Variants in CDC7 observed in about 807,000 individuals in gnomAD.
CDC7 encodes the protein cell division cycle 7-related protein kinase.
CDC7 carries 34 observed loss-of-function variants against 53.5 expected under a neutral mutation model. That is an observed-to-expected ratio of 0.64 (90% CI 0.48 to 0.85). The LOEUF is 0.85. Among genes scored for constraint, CDC7 ranks in the 40% least tolerant of loss-of-function variants. CDC7 has a pLI of 0.00. For synonymous variants in CDC7, 211 were observed against 222.8 expected, an observed-to-expected ratio of 0.95 and a Z score of 0.47; for missense variants, 594 against 679.7, an observed-to-expected ratio of 0.87 and a Z score of 1.40.
intron 9 of CDC7, 172 bp from the exon 10 acceptor site, chr1:91,515,619 CAGA>C (rs568018970): frequency 2.7e-4 from 92 of 338,442 alleles, no homozygotes; most frequent in African/African-American, 1.8e-3. Flanking sequence ...GGGTAAAAAA[CAGA>C]AGAAGAAAAA....
Position 91,520,256 on chromosome 1 carries a change from C to G in CDC7, c.1307C>G (p.Thr436Ser), listed in dbSNP as rs141555013. Residue 436 changes from threonine to serine, a missense_variant, in exon 11 of 12, where the codon ACT (threonine) becomes AGT (serine). Transcript: ENST00000234626. ...QIMTIRGSRE[T>S]IQAAKTFGKS... ...ATGACAATTAGGGGATCCAGAGAAA[C>G]TATCCAAGCTGCTAAAACTTTTGGT... 1.9e-6 allele frequency: 3 copies of G among 1,600,880 alleles called. No homozygotes were observed. The highest frequency in any genetic ancestry group is 2.6e-6 in the Non-Finnish European group (3 of 1,175,030).
intron 9 of CDC7, 43 bp from the exon 10 acceptor site, chr1:91,515,751 G>A: frequency 6.2e-7 from 1 of 1,608,068 alleles, no homozygotes; most frequent in Non-Finnish European, 8.5e-7. Flanking sequence ...GACTTACATA[G>A]TTCAACTTTA....
chr1:91,524,231 A>T lies in CDC7; in HGVS notation c.1521A>T (p.Gln507His). The T allele has an allele frequency of 6.2e-7, 1 of 1,613,976 alleles. No homozygotes were observed. The highest frequency in any genetic ancestry group is 8.5e-7 in the Non-Finnish European group (1 of 1,179,890). The change falls in exon 12 of 12, where the codon CAA becomes CAT. Residue 507 changes from glutamine to histidine, a missense_variant. Gln to His is a conservative substitution (Grantham distance 24). Coordinates refer to ENST00000234626, the MANE Select transcript of CDC7 (RefSeq NM_003503.4). ...GCCTCGTTCAAACACCTCCAGGACA[A>T]TACTCAGGGAATTCATTTAAAAAGG... ...ASCLVQTPPG[Q>H]YSGNSFKKGD...
Position 91,515,803 on chromosome 1 carries a change from G to C in CDC7, c.1107G>C (p.Gln369His), listed in dbSNP as rs1423219906. Residue 369 changes from glutamine to histidine, a missense_variant, in exon 10 of 12, where the codon CAG (glutamine) becomes CAC (histidine). By Grantham distance (24) the Gln-to-His change is conservative. Coordinates refer to ENST00000234626, the MANE Select transcript of CDC7 (RefSeq NM_003503.4). Reference sequence around the variant, plus strand: ...CTTATTTCATCATAAGGCGTCAGCAGGTTGCCCCTAGGGCAGGTACACCAG... The same window carrying C: ...CTTATTTCATCATAAGGCGTCAGCACGTTGCCCCTAGGGCAGGTACACCAG... ...VCSICLSRRQ[Q>H]VAPRAGTPGF... The C allele has an allele frequency of 1.2e-6, 2 of 1,613,556 alleles. No individual in the cohort carries two copies. Among genetic ancestry groups the C allele is most frequent in the African/African-American group, 1.3e-5 (1 of 74,894 alleles).
rs548033761 is a variant in CDC7, at chr1:91,515,450, G to A, written c.1098-344G>A. ...TCTTGATTAACTCAAATATATAAGT[G>A]TATCTGTGATCAATTACTCCAAACA... On this transcript the variant is annotated intron_variant, in intron 9 of 11. Coordinates refer to ENST00000234626, the MANE Select transcript of CDC7 (RefSeq NM_003503.4). Among the ~76,000 whole-genome samples the A allele has an allele frequency of 2.6e-5, 4 of 152,142 alleles. No individual in the cohort carries two copies. In the East Asian group the frequency reaches 7.7e-4, roughly 29 times the overall value.
At chr1:91,508,432 A>G in intron 4 of CDC7, 35 bp downstream of exon 4, 1 of 1,525,848 alleles carries the variant, frequency 6.6e-7, no homozygotes, top group Non-Finnish European at 9.0e-7. Context: ...TTGAACTTGT[A>G]TATAATTTAT....
intron 2 of CDC7, among the ~76,000 whole-genome samples, chr1:91,506,504 G>A (rs1666996536): frequency 6.6e-6 from 1 of 152,120 alleles, no homozygotes. Context: ...CAACCTAGTA[G>A]TATATACATT....
intron 2 of CDC7, among the ~76,000 whole-genome samples, chr1:91,504,620 T>A (rs1666886330): frequency 6.6e-6 from 1 of 152,188 alleles, no homozygotes; most frequent in African/African-American, 2.4e-5. Context: ...ACCATCTTTG[T>A]TTGCCTGGGA....
chr1:91,511,388 G>C (rs909487865), intron 4 of CDC7, among the ~76,000 whole-genome samples: 1 of 151,950 alleles, frequency 6.6e-6, no homozygotes, highest in African/African-American at 2.4e-5. Flanking sequence ...AATTATTATA[G>C]TAACTTCAAA....
intron 4 of CDC7, among the ~76,000 whole-genome samples, chr1:91,510,017 C>T (rs1157733205): frequency 6.6e-6 from 1 of 152,148 alleles, no homozygotes; most frequent in Non-Finnish European, 1.5e-5. Flanking sequence ...GAGTTTGAGA[C>T]CTGCCTGGGC....
intron 2 of CDC7, 125 bp from the exon 3 acceptor site, chr1:91,507,729 A>G (rs1667066931): frequency 4.5e-6 from 3 of 661,712 alleles, no homozygotes; most frequent in Non-Finnish European, 7.5e-6. Flanking sequence ...TCACAATGTT[A>G]TTAAAACTTA....
At chr1:91,511,475 G>A (rs1667282251) in intron 4 of CDC7, 122 bp from the exon 5 acceptor site, 2 of 606,316 alleles carry the variant, frequency 3.3e-6, no homozygotes. Flanking sequence ...ATGTGATGAT[G>A]ATTTAAGTCA....
At chr1:91,519,748 T>A (rs1311732013) in intron 10 of CDC7, among the ~76,000 whole-genome samples, 1 of 152,256 alleles carries the variant, frequency 6.6e-6, no homozygotes, top group Non-Finnish European at 1.5e-5. Flanking sequence ...TGGTATGTAA[T>A]TCTCAAGGAT....
At chr1:91,518,975 C>T (rs1667752512) in intron 10 of CDC7, among the ~76,000 whole-genome samples, 2 of 149,660 alleles carry the variant, frequency 1.3e-5, no homozygotes, top group African/African-American at 4.9e-5. Flanking sequence ...GTGGGAGGAT[C>T]ACTTGAGCCT....
At chr1:91,512,619 A>T (rs1012620144) in intron 6 of CDC7, among the ~76,000 whole-genome samples, 1 of 151,996 alleles carries the variant, frequency 6.6e-6, no homozygotes, top group African/African-American at 2.4e-5. Flanking sequence ...ATTAAACATA[A>T]TAATATTATA....
intron 5 of CDC7, 39 bp from the exon 6 acceptor site, chr1:91,511,742 C>T: frequency 7.1e-7 from 1 of 1,406,282 alleles, no homozygotes; most frequent in Non-Finnish European, 9.6e-7. Context: ...TAATTGCAAA[C>T]AATATTTGTA....
Position 91,524,822 on chromosome 1 carries a change from G to C in CDC7, c.*387G>C, listed in dbSNP as rs1668178283. On this transcript the variant is annotated 3_prime_UTR_variant, in exon 12 of 12. Coordinates refer to ENST00000234626, the MANE Select transcript of CDC7 (RefSeq NM_003503.4). Reference sequence around the variant, plus strand: ...GACTTAATTTGTAGATTCTTTTAGAGTTATGAGCTAGGTATAGTTTGGGGA... The same window carrying C: ...GACTTAATTTGTAGATTCTTTTAGACTTATGAGCTAGGTATAGTTTGGGGA... 1 of 161,188 alleles carries C rather than the reference G, an allele frequency of 6.2e-6. No individual in the cohort carries two copies. The highest frequency in any genetic ancestry group is 1.3e-5 in the Non-Finnish European group (1 of 74,284). 10.0% of individuals were successfully genotyped at this position (161,188 alleles called of 1,614,324 possible).
intron 4 of CDC7, among the ~76,000 whole-genome samples, chr1:91,510,222 GA>G (rs34141292): frequency 0.17 from 23,931 of 139,680 alleles, 2,050 homozygotes; most frequent in East Asian, 0.25. Context: ...CTGCCTCTGA[GA>G]AAAAAAAAAA....
chr1:91,515,487 AT>A (rs1208351953), intron 9 of CDC7, among the ~76,000 whole-genome samples: 1 of 152,204 alleles, frequency 6.6e-6, no homozygotes, highest in African/African-American at 2.4e-5. Context: ...ATGAATTTTT[AT>A]ACCTGTGAAT....
Sources: gnomAD v4.1 joint callset for allele counts (sites outside exome capture counted in the v4.1 genomes callset) on GRCh38, gnomAD v4.1.1 for gene constraint, MANE v1.5 for transcripts, NCBI Gene and HGNC (gene_info 2026-07-23, HGNC 2026-07-21) for gene names.